Variants in SLC39A11 observed in about 807,000 individuals in gnomAD.
The protein encoded by SLC39A11 is solute carrier family 39 member 11.
A neutral mutation model predicts 36.1 loss-of-function variants in SLC39A11; 33 were observed. The ratio of observed to expected loss-of-function variants is 0.91; its 90% CI spans 0.69 to 1.22. The LOEUF is 1.22. SLC39A11 is among the 50% of genes most tolerant of loss of function. SLC39A11 has a pLI of 0.00. For missense variants in SLC39A11, 432 were observed against 430.3 expected (o/e 1.00, Z -0.03); for synonymous variants, 166 against 170.3 (o/e 0.97, Z 0.20).
At chr17:72,964,930 G>T (rs916887846) in intron 4 of SLC39A11, among the ~76,000 whole-genome samples, 1 of 152,142 alleles carries the variant, frequency 6.6e-6, no homozygotes, top group African/African-American at 2.4e-5. Flanking sequence ...CCATAAAAAA[G>T]GATGAGTTCA....
intron 7 of SLC39A11, among the ~76,000 whole-genome samples, chr17:72,711,894 C>G (rs759021281): frequency 2.6e-5 from 4 of 152,156 alleles, no homozygotes; most frequent in Non-Finnish European, 4.4e-5. Flanking sequence ...AAGGAACAGA[C>G]TTGTGCAAGA....
chr17:72,974,584 C>T (rs375313088), intron 4 of SLC39A11, among the ~76,000 whole-genome samples: 11 of 152,178 alleles, frequency 7.2e-5, no homozygotes, highest in East Asian at 1.9e-4. Context: ...AGAGTCAAAA[C>T]GTTTTTACAA....
chr17:72,750,043 G>T (rs1176918721), intron 6 of SLC39A11, among the ~76,000 whole-genome samples: 8 of 152,188 alleles, frequency 5.3e-5, no homozygotes, highest in Non-Finnish European at 7.3e-5. Flanking sequence ...TCCACAAAGA[G>T]ACTGGGGATT....
At chr17:72,698,459 C>CAAAAAAAAAAAAAA (rs61454778) in intron 7 of SLC39A11, among the ~76,000 whole-genome samples, 3 of 93,000 alleles carry the variant, frequency 3.2e-5, no homozygotes, top group Non-Finnish European at 5.1e-5. Flanking sequence ...TAATAAAAAC[C>CAAAAAAAAAAAAAA]AAAAAAAAAA....
intron 7 of SLC39A11, among the ~76,000 whole-genome samples, chr17:72,670,241 C>T (rs955164452): frequency 1.3e-5 from 2 of 150,134 alleles, no homozygotes; most frequent in Non-Finnish European, 3.0e-5. Flanking sequence ...CATGGTGGCA[C>T]ACATCTGTGG....
At chr17:72,856,970 C>T (rs2079675547) in intron 5 of SLC39A11, among the ~76,000 whole-genome samples, 1 of 152,192 alleles carries the variant, frequency 6.6e-6, no homozygotes, top group African/African-American at 2.4e-5. Flanking sequence ...CGTAAGCCAC[C>T]ACATTCTTTT....
At chr17:72,848,556 C>G (rs548858318) in intron 6 of SLC39A11, among the ~76,000 whole-genome samples, 17 of 152,086 alleles carry the variant, frequency 1.1e-4, no homozygotes, top group African/African-American at 3.6e-4. Context: ...CCCATCTCTA[C>G]TAAAAATACA....
intron 7 of SLC39A11, among the ~76,000 whole-genome samples, chr17:72,730,776 C>A (rs1353399407): frequency 6.6e-6 from 1 of 152,206 alleles, no homozygotes; most frequent in Non-Finnish European, 1.5e-5. Flanking sequence ...CCTCTTGCCT[C>A]AGCCCCCTGA....
At chr17:73,017,561 A>T (rs1438049621) in intron 4 of SLC39A11, among the ~76,000 whole-genome samples, 1 of 152,014 alleles carries the variant, frequency 6.6e-6, no homozygotes, top group East Asian at 1.9e-4. Flanking sequence ...TAAAAATACA[A>T]ATTTAGCTGG....
chr17:72,746,970 C>T (rs2144230359), intron 6 of SLC39A11, among the ~76,000 whole-genome samples: 1 of 151,736 alleles, frequency 6.6e-6, no homozygotes, highest in East Asian at 2.0e-4. Context: ...TCGTTTGAGC[C>T]CAAGAGGTCA....
chr17:72,720,250 A>C (rs975374822), intron 7 of SLC39A11, among the ~76,000 whole-genome samples: 1 of 152,208 alleles, frequency 6.6e-6, no homozygotes, highest in Non-Finnish European at 1.5e-5. Context: ...TGCTGTGATA[A>C]GATGACGAAG....
At chr17:72,834,638 A>C (rs560923938) in intron 6 of SLC39A11, among the ~76,000 whole-genome samples, 48 of 146,040 alleles carry the variant, frequency 3.3e-4, no homozygotes, top group African/African-American at 1.3e-3. Flanking sequence ...CAAAACAATA[A>C]AATAAAATAA....
intron 3 of SLC39A11, among the ~76,000 whole-genome samples, chr17:73,060,042 G>C (rs1324606633): frequency 4.0e-5 from 6 of 151,804 alleles, no homozygotes; most frequent in Non-Finnish European, 5.9e-5. Flanking sequence ...AAACCTGTCT[G>C]TACTAAAAAT....
chr17:72,854,419 G>A (rs2079534793), intron 5 of SLC39A11, among the ~76,000 whole-genome samples: 2 of 152,094 alleles, frequency 1.3e-5, no homozygotes, highest in Admixed American at 6.6e-5. Context: ...AGCTCTCATT[G>A]CCTGTGACCA....
intron 7 of SLC39A11, among the ~76,000 whole-genome samples, chr17:72,735,637 A>G (rs562520811): frequency 6.6e-6 from 1 of 152,260 alleles, no homozygotes; most frequent in East Asian, 1.9e-4. Flanking sequence ...CTTATTCCTC[A>G]TGGTTCCCAG....
intron 4 of SLC39A11, among the ~76,000 whole-genome samples, chr17:72,975,956 G>A (rs917146600): frequency 6.6e-6 from 1 of 151,712 alleles, no homozygotes; most frequent in Non-Finnish European, 1.5e-5. Flanking sequence ...GGATCACGAG[G>A]TCAGGAGATT....
intron 4 of SLC39A11, among the ~76,000 whole-genome samples, chr17:72,959,626 C>T (rs899053679): frequency 1.3e-5 from 2 of 151,754 alleles, no homozygotes; most frequent in African/African-American, 2.4e-5. Flanking sequence ...GTATACTGCT[C>T]GGGTGATGGG....
rs145889959 is a variant in SLC39A11 at position 72,715,489 on chromosome 17, G to C, written c.671+21161C>G. Among the ~76,000 whole-genome samples, 838 of 152,226 alleles carry C rather than the reference G, an allele frequency of 5.5e-3. 9 individuals are homozygous for C. Among genetic ancestry groups the C allele is most frequent in the Non-Finnish European group, 8.4e-3 (572 of 68,008 alleles). The stretch of plus-strand genomic sequence containing the variant: ...CTTCAAAGGAAGAAAATTATGACAC[G>C]TTACAACATGATGACCCCTGAGGAC... On this transcript the variant is annotated intron_variant, in intron 7 of 9. Transcript: ENST00000255559.
intron 5 of SLC39A11, among the ~76,000 whole-genome samples, chr17:72,873,058 AAAAAAAAAAAAG>A (rs1442134132): frequency 6.6e-6 from 1 of 150,894 alleles, no homozygotes; most frequent in Non-Finnish European, 1.5e-5. Context: ...CCATCTCAAA[AAAAAAAAAAAAG>A]AAAAAAAAAA....
Sources: gnomAD v4.1 joint callset for allele counts (sites outside exome capture counted in the v4.1 genomes callset) on GRCh38, gnomAD v4.1.1 for gene constraint, MANE v1.5 for transcripts, NCBI Gene and HGNC (gene_info 2026-07-23, HGNC 2026-07-21) for gene names.